GALNTL6: variants seen among roughly 807,000 people sequenced by gnomAD.
GALNTL6 encodes the protein polypeptide N-acetylgalactosaminyltransferase like 6, also known as polypeptide N-acetylgalactosaminyltransferase-like 6.
GALNTL6 carries 46 observed loss-of-function variants against 73.7 expected under a neutral mutation model. That is an observed-to-expected ratio of 0.62 (90% CI 0.49 to 0.80). The LOEUF is 0.80. Ranked by LOEUF, GALNTL6 falls within the 30% of genes least tolerant of loss-of-function variation. The pLI, the probability that GALNTL6 is intolerant of heterozygous loss-of-function variation, is 0.00. For synonymous variants in GALNTL6, 259 were observed against 263.7 expected, an observed-to-expected ratio of 0.98 and a Z score of 0.17; for missense variants, 604 against 755.0, an observed-to-expected ratio of 0.80 and a Z score of 2.34.
At chr4:172,677,379 G>A (rs901660085) in intron 5 of GALNTL6, among the ~76,000 whole-genome samples, 4 of 152,146 alleles carry the variant, frequency 2.6e-5, no homozygotes, top group South Asian at 2.1e-4. Context: ...TTCTCTCGAA[G>A]CTGTCTCCAC....
At chr4:172,159,345 A>T (rs1185079059) in intron 2 of GALNTL6, among the ~76,000 whole-genome samples, 1 of 152,226 alleles carries the variant, frequency 6.6e-6, no homozygotes, top group Non-Finnish European at 1.5e-5. Context: ...GGACATGCAG[A>T]TATGTAAAAA....
chr4:172,813,439 G>A, intron 6 of GALNTL6, 101 bp from the exon 7 acceptor site: 1 of 890,212 alleles, frequency 1.1e-6, no homozygotes, highest in Non-Finnish European at 1.7e-6. Flanking sequence ...ACGGCTGCAA[G>A]CATTATGCAT....
chr4:172,320,751 A>ATTAG (rs1444718567), intron 4 of GALNTL6, among the ~76,000 whole-genome samples: 1 of 152,210 alleles, frequency 6.6e-6, no homozygotes, highest in Non-Finnish European at 1.5e-5. Context: ...TCAACCAGCA[A>ATTAG]TTAGTGGTGT....
chr4:172,854,025 C>A (rs561278112), intron 7 of GALNTL6, among the ~76,000 whole-genome samples: 2 of 152,168 alleles, frequency 1.3e-5, no homozygotes, highest in African/African-American at 2.4e-5. Context: ...CCAATGTAAT[C>A]TGGCCCAAAT....
chr4:171,943,884 T>G (rs1738625503), intron 2 of GALNTL6, among the ~76,000 whole-genome samples: 2 of 149,848 alleles, frequency 1.3e-5, no homozygotes, highest in South Asian at 4.3e-4. Context: ...AATGCTATAG[T>G]TAAGAGACTA....
chr4:172,372,752 C>T (rs1742864287), intron 5 of GALNTL6, among the ~76,000 whole-genome samples: 1 of 152,170 alleles, frequency 6.6e-6, no homozygotes, highest in Non-Finnish European at 1.5e-5. Context: ...TGAGTATTTG[C>T]TCTCTGGGTC....
chr4:171,842,856 T>G (rs1735273892), intron 2 of GALNTL6, among the ~76,000 whole-genome samples: 1 of 152,148 alleles, frequency 6.6e-6, no homozygotes, highest in South Asian at 2.1e-4. Flanking sequence ...TATCACTTGG[T>G]GGTACCACTT....
chr4:172,132,182 A>G (rs1216842935), intron 2 of GALNTL6, among the ~76,000 whole-genome samples: 1 of 152,002 alleles, frequency 6.6e-6, no homozygotes, highest in Non-Finnish European at 1.5e-5. Flanking sequence ...TGAAATTTTG[A>G]GCTATCCAGG....
intron 10 of GALNTL6, among the ~76,000 whole-genome samples, chr4:172,977,010 T>C (rs1263926686): frequency 2.0e-5 from 3 of 152,218 alleles, no homozygotes; most frequent in Non-Finnish European, 4.4e-5. Context: ...AAATGTTCAT[T>C]GGAAACCTCT....
rs564774851 is a variant in GALNTL6 at position 172,180,699 on chromosome 4, A to G, written c.139-48957A>G. ...CAGTTTTCCCAACACCATTTATTCA[A>G]TAGGGAACCCTTTCCCCATTGCTTG... On this transcript the variant is annotated intron_variant, in intron 2 of 12. Transcript: ENST00000506823. Among the ~76,000 whole-genome samples the G allele has an allele frequency of 1.2e-4, 18 of 152,164 alleles. 1 individual carries two copies. The highest frequency in any genetic ancestry group is 2.4e-4 in the Non-Finnish European group (16 of 68,044).
At chr4:172,097,709 C>T (rs1732394571) in intron 2 of GALNTL6, among the ~76,000 whole-genome samples, 1 of 152,174 alleles carries the variant, frequency 6.6e-6, no homozygotes, top group Admixed American at 6.5e-5. Context: ...CATCAACTGC[C>T]TACCTTCACT....
intron 2 of GALNTL6, among the ~76,000 whole-genome samples, chr4:172,106,589 G>T (rs946479194): frequency 6.6e-6 from 1 of 152,070 alleles, no homozygotes; most frequent in Non-Finnish European, 1.5e-5. Context: ...AATTGAATAT[G>T]ACAGGAAATT....
intron 5 of GALNTL6, among the ~76,000 whole-genome samples, chr4:172,802,753 A>G (rs1373500670): frequency 6.6e-6 from 1 of 152,118 alleles, no homozygotes; most frequent in African/African-American, 2.4e-5. Flanking sequence ...CAGTGAGCTG[A>G]GATCACACCA....
intron 5 of GALNTL6, among the ~76,000 whole-genome samples, chr4:172,780,971 G>A (rs543143236): frequency 7.2e-5 from 11 of 152,330 alleles, no homozygotes; most frequent in South Asian, 2.1e-4. Flanking sequence ...ATCAATAGTC[G>A]TATCTTCAAA....
intron 2 of GALNTL6, among the ~76,000 whole-genome samples, chr4:172,219,512 C>A (rs577543421): frequency 6.6e-6 from 1 of 151,512 alleles, no homozygotes; most frequent in Non-Finnish European, 1.5e-5. Flanking sequence ...TTATAATAAT[C>A]GAAGTTGTTT....
At chr4:172,357,297 C>T (rs77835335) in intron 5 of GALNTL6, among the ~76,000 whole-genome samples, 242 of 152,260 alleles carry the variant, frequency 1.6e-3, no homozygotes, top group African/African-American at 5.7e-3. Flanking sequence ...GGATTTTGGG[C>T]TGGCCCCTTG....
intron 2 of GALNTL6, among the ~76,000 whole-genome samples, chr4:171,931,881 T>C (rs938183713): frequency 2.0e-5 from 3 of 152,164 alleles, no homozygotes; most frequent in Non-Finnish European, 4.4e-5. Flanking sequence ...CACATTTGTA[T>C]GTTGTGAGTT....
chr4:172,696,291 A>C (rs1733690365), intron 5 of GALNTL6, among the ~76,000 whole-genome samples: 1 of 152,210 alleles, frequency 6.6e-6, no homozygotes, highest in South Asian at 2.1e-4. Context: ...TCTAGCTGGC[A>C]TTTACAAACC....
intron 5 of GALNTL6, among the ~76,000 whole-genome samples, chr4:172,378,280 G>A (rs962807686): frequency 1.3e-5 from 2 of 152,146 alleles, no homozygotes; most frequent in African/African-American, 4.8e-5. Flanking sequence ...AATAGACCCT[G>A]ATGCTTGAAA....
Sources: allele counts gnomAD v4.1 joint callset (sites outside exome capture counted in the v4.1 genomes callset), GRCh38; gene constraint gnomAD v4.1.1; transcripts MANE v1.5; gene names NCBI Gene and HGNC (gene_info 2026-07-23, HGNC 2026-07-21).